Variants in ARHGAP15 observed in about 807,000 individuals in gnomAD.
The protein encoded by ARHGAP15 is rho GTPase-activating protein 15.
In ARHGAP15, 51 loss-of-function variants were observed where a neutral mutation model predicts 63.7. That is an observed-to-expected ratio of 0.80 (90% CI 0.64 to 1.01). The LOEUF is 1.01. ARHGAP15 is among the 50% of genes least tolerant of loss of function. ARHGAP15 has a pLI of 0.00. For missense variants in ARHGAP15, 560 were observed against 564.6 expected, an observed-to-expected ratio of 0.99 and a Z score of 0.08; for synonymous variants, 191 against 193.8, an observed-to-expected ratio of 0.99 and a Z score of 0.12.
At chr2:143,434,874 A>C (rs1689540712) in intron 6 of ARHGAP15, among the ~76,000 whole-genome samples, 1 of 152,096 alleles carries the variant, frequency 6.6e-6, no homozygotes, top group Non-Finnish European at 1.5e-5. Context: ...GTCTGGGGAG[A>C]AAAAGATTCA....
chr2:143,658,248 C>T (rs941971347), intron 12 of ARHGAP15, among the ~76,000 whole-genome samples: 1 of 152,128 alleles, frequency 6.6e-6, no homozygotes, highest in Non-Finnish European at 1.5e-5. Flanking sequence ...CTCTTATAAG[C>T]TAGGTTTATC....
intron 1 of ARHGAP15, among the ~76,000 whole-genome samples, chr2:143,144,617 T>A (rs539104455): frequency 6.6e-6 from 1 of 152,172 alleles, no homozygotes; most frequent in African/African-American, 2.4e-5. Context: ...TACCATATTT[T>A]AATTAGTCTT....
At chr2:143,458,194 G>A (rs1690752420) in intron 8 of ARHGAP15, among the ~76,000 whole-genome samples, 1 of 152,070 alleles carries the variant, frequency 6.6e-6, no homozygotes, top group East Asian at 1.9e-4. Flanking sequence ...ATTTACTAGT[G>A]AATGATGTTA....
intron 11 of ARHGAP15, among the ~76,000 whole-genome samples, chr2:143,597,097 T>G (rs183171846): frequency 6.6e-6 from 1 of 152,022 alleles, no homozygotes; most frequent in African/African-American, 2.4e-5. Flanking sequence ...TTCCTACCCC[T>G]CCCTCAAGCT....
At chr2:143,275,030 G>A (rs1489227845) in intron 6 of ARHGAP15, among the ~76,000 whole-genome samples, 3 of 151,666 alleles carry the variant, frequency 2.0e-5, no homozygotes, top group Non-Finnish European at 4.4e-5. Context: ...TTAGCTGGAT[G>A]TGTCCCAGAT....
chr2:143,274,093 AATCTTGTT>A (rs1473972020), intron 6 of ARHGAP15, among the ~76,000 whole-genome samples: 1 of 152,132 alleles, frequency 6.6e-6, no homozygotes, highest in Admixed American at 6.5e-5. Flanking sequence ...ATGTCCTGTG[AATCTTGTT>A]ACCTTTGTCA....
chr2:143,330,437 CCCA>C (rs1281650682), intron 6 of ARHGAP15, among the ~76,000 whole-genome samples: 3 of 151,898 alleles, frequency 2.0e-5, no homozygotes, highest in Non-Finnish European at 2.9e-5. Flanking sequence ...ACATAAAATA[CCCA>C]TAGTAATTTG....
At chr2:143,529,241 C>T (rs1464938181) in intron 10 of ARHGAP15, among the ~76,000 whole-genome samples, 1 of 152,086 alleles carries the variant, frequency 6.6e-6, no homozygotes, top group African/African-American at 2.4e-5. Flanking sequence ...ATATGTTAGA[C>T]ATCTTAGATT....
intron 6 of ARHGAP15, among the ~76,000 whole-genome samples, chr2:143,410,057 T>C (rs1688379741): frequency 6.6e-6 from 1 of 152,200 alleles, no homozygotes; most frequent in Non-Finnish European, 1.5e-5. Flanking sequence ...GTTGATCTTT[T>C]AAATTGAACC....
chr2:143,134,128 T>TATCTATCTACCTATCTATCTATC (rs1689029335), intron 1 of ARHGAP15, among the ~76,000 whole-genome samples: 1 of 32,320 alleles, frequency 3.1e-5, no homozygotes, highest in Non-Finnish European at 1.2e-4. Flanking sequence ...TCTATCTATC[T>TATCTATCTACCTATCTATCTATC]ATCTATCTAT....
At chr2:143,556,920 G>T (rs540355592) in intron 11 of ARHGAP15, among the ~76,000 whole-genome samples, 1 of 152,172 alleles carries the variant, frequency 6.6e-6, no homozygotes, top group African/African-American at 2.4e-5. Context: ...AAACGCATAT[G>T]CCATCAAAGA....
intron 10 of ARHGAP15, among the ~76,000 whole-genome samples, chr2:143,529,413 T>C (rs1346480964): frequency 6.6e-6 from 1 of 152,104 alleles, no homozygotes; most frequent in African/African-American, 2.4e-5. Flanking sequence ...CCTTTGTTCT[T>C]ATTTCTGCCC....
At chr2:143,652,075 T>C (rs1681195546) in intron 12 of ARHGAP15, among the ~76,000 whole-genome samples, 1 of 152,036 alleles carries the variant, frequency 6.6e-6, no homozygotes, top group African/African-American at 2.4e-5. Context: ...GATCTATACA[T>C]CTAACTCAAT....
At chr2:143,415,143 G>GT (rs765421168) in intron 6 of ARHGAP15, among the ~76,000 whole-genome samples, 91 of 152,138 alleles carry the variant, frequency 6.0e-4, no homozygotes, top group South Asian at 8.3e-4. Context: ...GATGAAATTT[G>GT]TTTTGGTATA....
chr2:143,572,330 C>T (rs1188877521), intron 11 of ARHGAP15, among the ~76,000 whole-genome samples: 1 of 152,182 alleles, frequency 6.6e-6, no homozygotes, highest in Non-Finnish European at 1.5e-5. Flanking sequence ...TCACCCCTGA[C>T]ACCTGTAAGA....
At chr2:143,519,555 C>G (rs1693971307) in intron 10 of ARHGAP15, 191 bp downstream of exon 10, 3 of 425,828 alleles carry the variant, frequency 7.0e-6, no homozygotes, top group Admixed American at 4.2e-5. Flanking sequence ...TAGTAATTCT[C>G]ACTAATGTTC....
intron 6 of ARHGAP15, among the ~76,000 whole-genome samples, chr2:143,265,112 T>A (rs1680923100): frequency 6.6e-6 from 1 of 152,106 alleles, no homozygotes; most frequent in African/African-American, 2.4e-5. Context: ...GCTTGAAAAG[T>A]TACAAGGGAA....
At chr2:143,274,320 A>C (rs1681439448) in intron 6 of ARHGAP15, among the ~76,000 whole-genome samples, 1 of 152,212 alleles carries the variant, frequency 6.6e-6, no homozygotes, top group African/African-American at 2.4e-5. Flanking sequence ...AGAGAAAAAA[A>C]AAATCCAAAG....
chr2:143,294,437 C>G (rs1682544724), intron 6 of ARHGAP15, among the ~76,000 whole-genome samples: 1 of 152,048 alleles, frequency 6.6e-6, no homozygotes, highest in Non-Finnish European at 1.5e-5. Flanking sequence ...TTTTATTTTG[C>G]ACTCATGTGA....
Sources: allele counts gnomAD v4.1 joint callset (sites outside exome capture counted in the v4.1 genomes callset), GRCh38; gene constraint gnomAD v4.1.1; transcripts MANE v1.5; gene names NCBI Gene and HGNC (gene_info 2026-07-23, HGNC 2026-07-21).